CAMK4: variants seen among roughly 807,000 people sequenced by gnomAD.
The protein encoded by CAMK4 is calcium/calmodulin dependent protein kinase IV.
CAMK4 carries 22 observed loss-of-function variants against 44.9 expected under a neutral mutation model. The observed-to-expected ratio is 0.49, with a 90% CI of 0.35 to 0.70. The LOEUF (loss-of-function observed/expected upper bound fraction) is 0.70, where lower values mean the gene tolerates loss of function less well. Among genes scored for constraint, CAMK4 ranks in the 30% least tolerant of loss-of-function variants. CAMK4 has a pLI of 0.01. For synonymous variants in CAMK4, 218 were observed against 215.4 expected (o/e 1.01, Z -0.11); for missense variants, 498 against 586.8 (o/e 0.85, Z 1.56).
chr5:111,412,159 A>G (rs2112896939), intron 5 of CAMK4, among the ~76,000 whole-genome samples: 1 of 152,310 alleles, frequency 6.6e-6, no homozygotes, highest in South Asian at 2.1e-4. Context: ...CAGATGCAAA[A>G]TGTAATAAGA....
chr5:111,434,742 A>G (rs1273757535), intron 5 of CAMK4, among the ~76,000 whole-genome samples: 3 of 152,260 alleles, frequency 2.0e-5, no homozygotes, highest in Admixed American at 2.0e-4. Context: ...TAGGGTATTC[A>G]CTTTGAAGTT....
At chr5:111,444,819 T>C (rs1753969761) in intron 5 of CAMK4, among the ~76,000 whole-genome samples, 1 of 152,172 alleles carries the variant, frequency 6.6e-6, no homozygotes, top group Non-Finnish European at 1.5e-5. Flanking sequence ...GCAAATGTTA[T>C]GAACAGGAAA....
intron 1 of CAMK4, among the ~76,000 whole-genome samples, chr5:111,244,894 T>TATAAC (rs754298250): frequency 6.6e-6 from 1 of 151,884 alleles, no homozygotes; most frequent in East Asian, 1.9e-4. Context: ...AAATAAATAA[T>TATAAC]ATAACATAAC....
intron 5 of CAMK4, among the ~76,000 whole-genome samples, chr5:111,395,908 A>C (rs150569390): frequency 6.6e-6 from 1 of 152,212 alleles, no homozygotes; most frequent in African/African-American, 2.4e-5. Flanking sequence ...AATCTATAAA[A>C]TATATCCAGA....
At chr5:111,308,683 T>G (rs1337610908) in intron 1 of CAMK4, among the ~76,000 whole-genome samples, 2 of 152,176 alleles carry the variant, frequency 1.3e-5, no homozygotes, top group Non-Finnish European at 2.9e-5. Context: ...GAAAAGTCAG[T>G]TATGTAAAAT....
chr5:111,395,222 A>AG (rs1212237119), intron 5 of CAMK4, among the ~76,000 whole-genome samples: 1 of 104,582 alleles, frequency 9.6e-6, no homozygotes, highest in African/African-American at 3.9e-5. Context: ...AAAAAAAAAA[A>AG]AAAAAGAAAA....
intron 8 of CAMK4, among the ~76,000 whole-genome samples, chr5:111,475,157 C>G (rs1171845495): frequency 6.6e-6 from 1 of 151,468 alleles, no homozygotes; most frequent in Non-Finnish European, 1.5e-5. Context: ...AACTCCGACT[C>G]AAAAACAAAA....
At chr5:111,389,155 T>A (rs1751711542) in intron 4 of CAMK4, among the ~76,000 whole-genome samples, 1 of 152,170 alleles carries the variant, frequency 6.6e-6, no homozygotes, top group Non-Finnish European at 1.5e-5. Context: ...TGCTTTTTGA[T>A]TCATGGATGG....
At chr5:111,440,974 CA>C (rs1286541815) in intron 5 of CAMK4, among the ~76,000 whole-genome samples, 1 of 152,124 alleles carries the variant, frequency 6.6e-6, no homozygotes, top group Non-Finnish European at 1.5e-5. Context: ...TTACACACCT[CA>C]TTTCTAATTC....
chr5:111,281,877 T>C (rs979724503), intron 1 of CAMK4, among the ~76,000 whole-genome samples: 3 of 151,404 alleles, frequency 2.0e-5, no homozygotes, highest in African/African-American at 7.3e-5. Context: ...GCTAACACGG[T>C]GAAACCCCGT....
intron 5 of CAMK4, among the ~76,000 whole-genome samples, chr5:111,405,000 C>T (rs1752364458): frequency 6.6e-6 from 1 of 152,020 alleles, no homozygotes; most frequent in African/African-American, 2.4e-5. Context: ...ATACAGAGGT[C>T]AAGAAATTCA....
chr5:111,350,280 A>G (rs1750040249), intron 2 of CAMK4, among the ~76,000 whole-genome samples: 1 of 152,114 alleles, frequency 6.6e-6, no homozygotes, highest in Non-Finnish European at 1.5e-5. Flanking sequence ...GTTCACACAG[A>G]TATTTCATAA....
intron 1 of CAMK4, among the ~76,000 whole-genome samples, chr5:111,323,290 T>A (rs1445619874): frequency 6.6e-6 from 1 of 152,102 alleles, no homozygotes; most frequent in Admixed American, 6.6e-5. Flanking sequence ...ACTTACGATT[T>A]TTTTTACTTT....
chr5:111,454,707 T>C (rs1754357856), intron 7 of CAMK4, among the ~76,000 whole-genome samples: 1 of 149,180 alleles, frequency 6.7e-6, no homozygotes, highest in Admixed American at 6.7e-5. Flanking sequence ...TGTGCTACAA[T>C]ATAACTATAC....
rs77314775 is a variant in CAMK4, at chr5:111,468,683, T to C, written c.626-4628T>C. Reference sequence around the variant, plus strand: ...ACAAAGTCAATGCCATATTAACTAGTAATTTAAAATATTAAGCTGGGTACT... The same window carrying C: ...ACAAAGTCAATGCCATATTAACTAGCAATTTAAAATATTAAGCTGGGTACT... On this transcript the variant is annotated intron_variant, in intron 7 of 10. Coordinates refer to ENST00000282356, the MANE Select transcript of CAMK4 (RefSeq NM_001744.6). Among the ~76,000 whole-genome samples, 1,468 of 152,248 alleles carry C rather than the reference T, an allele frequency of 9.6e-3. 23 individuals carry two copies. The highest frequency in any genetic ancestry group is 0.033 in the African/African-American group (1,378 of 41,560).
At chr5:111,334,183 C>A (rs1012153112) in intron 1 of CAMK4, among the ~76,000 whole-genome samples, 3 of 151,552 alleles carry the variant, frequency 2.0e-5, no homozygotes, top group Non-Finnish European at 4.4e-5. Context: ...TAATATTTAA[C>A]TGACTTGGGA....
At chr5:111,375,588 T>C (rs1015771619) in intron 3 of CAMK4, among the ~76,000 whole-genome samples, 4 of 152,198 alleles carry the variant, frequency 2.6e-5, no homozygotes, top group Non-Finnish European at 5.9e-5. Flanking sequence ...CTGCAACGCT[T>C]AGACTCCAGG....
chr5:111,420,947 A>C (rs907610405), intron 5 of CAMK4, among the ~76,000 whole-genome samples: 1 of 152,066 alleles, frequency 6.6e-6, no homozygotes, highest in African/African-American at 2.4e-5. Flanking sequence ...GGCAACATAC[A>C]TCCTCCTCAG....
In CAMK4 at chr5:111,486,233, C is replaced by T. The variant is rs1047793027; in HGVS notation, c.*1767C>T. ...TTCATAGTTTAAGAATCTGACAGGT[C>T]ACTGATATGGAGCCCCTGAAGAAGC... On this transcript the variant is annotated 3_prime_UTR_variant, in exon 11 of 11. Coordinates refer to ENST00000282356, the MANE Select transcript of CAMK4 (RefSeq NM_001744.6). The T allele has an allele frequency of 6.6e-6, 1 of 151,994 alleles. No homozygotes were observed. Among genetic ancestry groups the T allele is most frequent in the Admixed American group, 6.6e-5 (1 of 15,246 alleles). 9.4% of individuals were successfully genotyped at this position (151,994 alleles called of 1,614,324 possible). A position where few individuals can be genotyped will look rare whatever the true frequency, so the allele number is the denominator to read the frequency against.
Sources: gnomAD v4.1 joint callset for allele counts (sites outside exome capture counted in the v4.1 genomes callset) on GRCh38, gnomAD v4.1.1 for gene constraint, MANE v1.5 for transcripts, NCBI Gene and HGNC (gene_info 2026-07-23, HGNC 2026-07-21) for gene names.